CCT5: variants seen among roughly 807,000 people sequenced by gnomAD.
CCT5 encodes the protein chaperonin containing TCP1 subunit 5.
Under a neutral mutation model 55.0 loss-of-function variants are expected in CCT5, and 6 were observed. The observed-to-expected ratio is 0.11, with a 90% CI of 0.06 to 0.22. CCT5 has a LOEUF of 0.22. Ranked by LOEUF, CCT5 falls within the 10% of genes least tolerant of loss-of-function variation. The probability of loss-of-function intolerance (pLI) is 1.00; values close to 1 mark genes in which losing one functional copy is unlikely to be tolerated. For synonymous variants in CCT5, 231 were observed against 243.7 expected (o/e 0.95, Z 0.49); for missense variants, 560 against 694.6 (o/e 0.81, Z 2.18).
chr5:10,262,163 C>T (rs1273834632), intron 8 of CCT5: 1 of 407,506 alleles, frequency 2.5e-6, no homozygotes, highest in Non-Finnish European at 4.6e-6. Context: ...AAAAAGGGAA[C>T]CCAAGTGAAT....
intron 1 of CCT5, among the ~76,000 whole-genome samples, chr5:10,253,781 A>G (rs529452751): frequency 2.0e-5 from 3 of 152,234 alleles, no homozygotes; most frequent in Admixed American, 1.3e-4. Flanking sequence ...CCTGGAACCA[A>G]TTCCCCATGG....
At chr5:10,250,694 C>T (rs1745344902) in intron 1 of CCT5, 3 of 1,354,282 alleles carry the variant, frequency 2.2e-6, no homozygotes, top group South Asian at 1.7e-5. Context: ...CTGGGTGGGG[C>T]CGCTCAGTCC....
Position 10,262,046 on chromosome 5 carries a change from A to G in CCT5, c.1179+301A>G, listed in dbSNP as rs2244722. ...TCCTGGATTTTAGAATGTTTGATAC[A>G]GTTACATTAGGGGTTGGTTAAACTG... On this transcript the variant is annotated intron_variant, in intron 8 of 10. Transcript: ENST00000280326. 0.78 allele frequency: 320,411 copies of G among 408,334 alleles called. 129,432 individuals are homozygous for G. The highest frequency in any genetic ancestry group is 0.88 in the East Asian group (15,328 of 17,496). 25.3% of individuals were successfully genotyped at this position (408,334 alleles called of 1,614,324 possible). A position where few individuals can be genotyped will look rare whatever the true frequency, so the allele number is the denominator to read the frequency against.
chr5:10,252,028 C>T (rs1158068759), intron 1 of CCT5, among the ~76,000 whole-genome samples: 1 of 152,212 alleles, frequency 6.6e-6, no homozygotes, highest in Admixed American at 6.5e-5. Flanking sequence ...AGAGCATTAC[C>T]ATGGTCAGGG....
chr5:10,258,047 G>A (rs1745769915), intron 4 of CCT5, 64 bp from the exon 5 acceptor site: 1 of 1,489,472 alleles, frequency 6.7e-7, no homozygotes, highest in Admixed American at 1.7e-5. Context: ...ATTGTGTTAT[G>A]TGGCCTGCTT....
intron 8 of CCT5, 143 bp from the exon 9 acceptor site, chr5:10,262,338 C>T: frequency 2.2e-6 from 2 of 918,876 alleles, no homozygotes; most frequent in South Asian, 2.8e-5. Flanking sequence ...GGAAGGAAAG[C>T]TAGAAAGATA....
intron 6 of CCT5, among the ~76,000 whole-genome samples, chr5:10,258,972 G>A (rs193237353): frequency 3.6e-4 from 55 of 152,250 alleles, no homozygotes; most frequent in Admixed American, 5.9e-4. Context: ...CAGCCTGGGC[G>A]ACAGAGCAAG....
intron 1 of CCT5, among the ~76,000 whole-genome samples, chr5:10,252,004 G>C (rs1376139467): frequency 6.6e-6 from 1 of 152,238 alleles, no homozygotes; most frequent in Non-Finnish European, 1.5e-5. Context: ...GTTCTGAAGA[G>C]CAGTTGCTAC....
Position 10,265,114 on chromosome 5 carries a change from G to C in CCT5, c.*331G>C, listed in dbSNP as rs1323014860. The C allele has an allele frequency of 2.4e-5, 7 of 294,650 alleles. No homozygotes were observed. Among genetic ancestry groups the C allele is most frequent in the Non-Finnish European group, 3.2e-5 (5 of 154,410 alleles). 18.3% of individuals were successfully genotyped at this position (294,650 alleles called of 1,614,324 possible). A position where few individuals can be genotyped will look rare whatever the true frequency, so the allele number is the denominator to read the frequency against. On this transcript the variant is annotated 3_prime_UTR_variant, in exon 11 of 11. Coordinates refer to ENST00000280326, the MANE Select transcript of CCT5 (RefSeq NM_012073.5). ...GGTGGATTTTTTTTTCTCAAAATAA[G>C]CTGTAGGGACTATTTTAACAGCTTA...
chr5:10,256,375 A>G (rs1371025103), intron 4 of CCT5, among the ~76,000 whole-genome samples: 2 of 152,206 alleles, frequency 1.3e-5, no homozygotes, highest in East Asian at 3.8e-4. Flanking sequence ...CCCCTTGACA[A>G]TATTTGCAAA....
chr5:10,261,949 T>G (rs2126515747), intron 8 of CCT5: 1 of 628,468 alleles, frequency 1.6e-6, no homozygotes, highest in East Asian at 3.1e-5. Flanking sequence ...CTGCTGTCCC[T>G]TAGAGTATAC....
rs1371347037 is a variant in CCT5 at position 10,265,793 on chromosome 5, A to G, written c.*1010A>G. 6.6e-6 allele frequency: 1 copy of G among 152,000 alleles called. No individual in the cohort carries two copies. The highest frequency in any genetic ancestry group is 1.5e-5 in the Non-Finnish European group (1 of 68,004). 9.4% of individuals were successfully genotyped at this position (152,000 alleles called of 1,614,324 possible). A position where few individuals can be genotyped will look rare whatever the true frequency, so the allele number is the denominator to read the frequency against. On this transcript the variant is annotated 3_prime_UTR_variant, in exon 11 of 11. Coordinates refer to ENST00000280326, the MANE Select transcript of CCT5 (RefSeq NM_012073.5). ...CCCCTACTCTGTTATTTGCTTGTTA[A>G]TGATTCTCTAGATTTTCTAAAATAA... is the stretch of plus-strand genomic sequence containing the variant.
chr5:10,253,854 G>C (rs1561044642), intron 1 of CCT5, among the ~76,000 whole-genome samples: 1 of 152,196 alleles, frequency 6.6e-6, no homozygotes, highest in East Asian at 1.9e-4. Context: ...TAGTCATACT[G>C]TCCCTCTTCT....
chr5:10,265,030 G>T lies in CCT5; in HGVS notation c.*247G>T, dbSNP rs762877455. 2.2e-6 allele frequency: 1 copy of T among 445,554 alleles called. No individual in the cohort carries two copies. The highest frequency in any genetic ancestry group is 2.0e-5 in the African/African-American group (1 of 50,360). 27.6% of individuals were successfully genotyped at this position (445,554 alleles called of 1,614,324 possible). ...TTTAAACAACCTTTATCTTCTCTTC[G>T]GGTTTAAGAAACGTTTATTGTAACA... On this transcript the variant is annotated 3_prime_UTR_variant, in exon 11 of 11. Transcript: ENST00000280326.
At position 10,262,528 on chromosome 5, in the gene CCT5, C is replaced by G; in HGVS notation, c.1227C>G (p.Ile409Met). 2 of 1,614,088 alleles carry G rather than the reference C, an allele frequency of 1.2e-6. No homozygotes were observed. The highest frequency in any genetic ancestry group is 4.5e-5 in the East Asian group (2 of 44,902). ...CCCTTCACGATGCTTTGTGTGTCAT[C>G]CGGAACCTCATCCGCGATAATCGTG... The part of the protein sequence containing the change: ...KRSLHDALCV[I>M]RNLIRDNRVV... Residue 409 changes from isoleucine (I) to methionine (M), a missense_variant, in exon 9 of 11, where the codon ATC (isoleucine) becomes ATG (methionine). Physicochemically the swap from Ile to Met is conservative, Grantham distance 10 (BLOSUM62 1). This residue lies in a region of CCT5 where 256 missense variants were observed against 372.4 expected (regional missense o/e 0.69). Transcript: ENST00000280326.
chr5:10,263,860 T>G (rs1746100423), intron 10 of CCT5, among the ~76,000 whole-genome samples: 1 of 152,244 alleles, frequency 6.6e-6, no homozygotes, highest in Admixed American at 6.5e-5. Flanking sequence ...CAGCTTTTGC[T>G]TAAAGGTATA....
At position 10,258,544 on chromosome 5, in the gene CCT5, T is replaced by TA. The variant is rs778387573; in HGVS notation, c.873+10dup. ...AAGAGATGATTCAACAAGTAAGTCT[T>TA]ACCAGAGTCCTCAGTGGAATTTAAA... On this transcript the variant is annotated intron_variant, in intron 6 of 10. Coordinates refer to ENST00000280326, the MANE Select transcript of CCT5 (RefSeq NM_012073.5). The TA allele has an allele frequency of 3.1e-6, 5 of 1,611,300 alleles. No individual in the cohort carries two copies. Among genetic ancestry groups the TA allele is most frequent in the Non-Finnish European group, 4.2e-6 (5 of 1,177,864 alleles).
intron 10 of CCT5, 45 bp from the exon 11 acceptor site, chr5:10,264,611 T>C (rs1390771183): frequency 2.4e-6 from 3 of 1,235,106 alleles, no homozygotes; most frequent in Admixed American, 1.7e-5. Context: ...ATTGATAGTT[T>C]ATTGTATGCT....
At chr5:10,257,729 AC>A (rs1203128383) in intron 4 of CCT5, among the ~76,000 whole-genome samples, 2 of 152,170 alleles carry the variant, frequency 1.3e-5, no homozygotes, top group Non-Finnish European at 2.9e-5. Flanking sequence ...GTGATTACTT[AC>A]CTTTCCCATT....
Sources: gnomAD v4.1 joint callset for allele counts (sites outside exome capture counted in the v4.1 genomes callset) on GRCh38, gnomAD v4.1.1 for gene constraint, gnomAD v4.1.1 regional missense constraint, MANE v1.5 for transcripts, NCBI Gene and HGNC (gene_info 2026-07-23, HGNC 2026-07-21) for gene names.